CREB3L2: variants seen among roughly 807,000 people sequenced by gnomAD.
CREB3L2 encodes cAMP responsive element binding protein 3 like 2.
A neutral mutation model predicts 57.2 loss-of-function variants in CREB3L2; 23 were observed. The observed-to-expected ratio is 0.40, with a 90% CI of 0.29 to 0.57. The LOEUF (loss-of-function observed/expected upper bound fraction) is 0.57, where lower values mean the gene tolerates loss of function less well. Among genes scored for constraint, CREB3L2 ranks in the 20% least tolerant of loss-of-function variants. The probability of loss-of-function intolerance (pLI) is 0.42; values close to 1 mark genes in which losing one functional copy is unlikely to be tolerated. For missense variants in CREB3L2, 628 were observed against 634.7 expected, an observed-to-expected ratio of 0.99 and a Z score of 0.11; for synonymous variants, 268 against 265.1, an observed-to-expected ratio of 1.01 and a Z score of -0.11.
chr7:137,929,720 T>A (rs1800569541), intron 1 of CREB3L2, among the ~76,000 whole-genome samples: 2 of 144,370 alleles, frequency 1.4e-5, no homozygotes, highest in Admixed American at 6.9e-5. Context: ...AAAAAAAAAA[T>A]TAGCTGGGTG....
intron 1 of CREB3L2, among the ~76,000 whole-genome samples, chr7:137,990,017 C>T (rs1482805297): frequency 6.6e-6 from 1 of 152,170 alleles, no homozygotes; most frequent in Non-Finnish European, 1.5e-5. Flanking sequence ...TCAATTCTGC[C>T]GTCCAGTCCA....
At chr7:137,995,375 CCAAGGCTGGAGTGCAGTGG>C (rs1204668575) in intron 1 of CREB3L2, among the ~76,000 whole-genome samples, 1 of 114,726 alleles carries the variant, frequency 8.7e-6, no homozygotes, top group Non-Finnish European at 1.7e-5. Context: ...CACTCTGTCA[CCAAGGCTGGAGTGCAGTGG>C]CATGATCTTG....
intron 1 of CREB3L2, among the ~76,000 whole-genome samples, chr7:137,946,329 T>C (rs1042602430): frequency 1.3e-5 from 2 of 151,192 alleles, no homozygotes; most frequent in African/African-American, 4.9e-5. Flanking sequence ...GGGTCTGATC[T>C]AATAAGGTGA....
At position 137,922,453 on chromosome 7, in the gene CREB3L2, T is replaced by TATACACAC. The variant is rs1554498063; in HGVS notation, c.319+5696_319+5697insGTGTGTAT. 4.1e-5 allele frequency: 3 copies of TATACACAC among 72,580 alleles called. 1 individual carries two copies. The highest frequency in any genetic ancestry group is 1.9e-4 in the African/African-American group (3 of 15,824). 4.5% of individuals were successfully genotyped at this position (72,580 alleles called of 1,614,324 possible). On this transcript the variant is annotated intron_variant, in intron 2 of 11. Transcript: ENST00000330387. ...ATATATATACGTATATATATATATA[T>TATACACAC]ACACACATATATATATACACACATA...
chr7:137,951,451 C>T (rs899797236), intron 1 of CREB3L2, among the ~76,000 whole-genome samples: 1 of 152,146 alleles, frequency 6.6e-6, no homozygotes, highest in Non-Finnish European at 1.5e-5. Flanking sequence ...TAATCAGACA[C>T]CCGCAAGAAC....
At chr7:137,972,768 GAGAA>G (rs1185720916) in intron 1 of CREB3L2, among the ~76,000 whole-genome samples, 1 of 76,672 alleles carries the variant, frequency 1.3e-5, no homozygotes, top group African/African-American at 5.3e-5. Flanking sequence ...GAGAGAGAGA[GAGAA>G]AAGAAAAAGA....
At chr7:137,973,089 G>A (rs922125590) in intron 1 of CREB3L2, among the ~76,000 whole-genome samples, 1 of 151,392 alleles carries the variant, frequency 6.6e-6, no homozygotes, top group Non-Finnish European at 1.5e-5. Flanking sequence ...TATCTAGTGG[G>A]TGCAGCGCAC....
chr7:137,978,528 G>A (rs1801649990), intron 1 of CREB3L2, among the ~76,000 whole-genome samples: 1 of 152,172 alleles, frequency 6.6e-6, no homozygotes, highest in Non-Finnish European at 1.5e-5. Flanking sequence ...AAGATGGCAG[G>A]TGGTTCTGGA....
intron 1 of CREB3L2, among the ~76,000 whole-genome samples, chr7:137,993,095 G>C (rs563713564): frequency 6.6e-6 from 1 of 152,198 alleles, no homozygotes; most frequent in Non-Finnish European, 1.5e-5. Flanking sequence ...ATGCATGAGA[G>C]AGAATAATGA....
chr7:137,978,868 A>T (rs1330197244), intron 1 of CREB3L2, among the ~76,000 whole-genome samples: 1 of 152,114 alleles, frequency 6.6e-6, no homozygotes, highest in Non-Finnish European at 1.5e-5. Context: ...GAAAACCTCA[A>T]GGAGAAACAC....
intron 6 of CREB3L2, among the ~76,000 whole-genome samples, chr7:137,905,473 G>C (rs1286457842): frequency 2.6e-5 from 4 of 151,670 alleles, no homozygotes; most frequent in Non-Finnish European, 5.9e-5. Context: ...CACCAAAGAG[G>C]TAGATACTGA....
In CREB3L2 at chr7:137,904,650, A is replaced by G. The variant is rs149936227; in HGVS notation, c.916-633T>C. Among the ~76,000 whole-genome samples, 656 of 151,600 alleles carry G rather than the reference A, an allele frequency of 4.3e-3. 6 individuals carry two copies. Among genetic ancestry groups the G allele is most frequent in the African/African-American group, 0.015 (628 of 41,344 alleles). On this transcript the variant is annotated intron_variant, in intron 6 of 11. Transcript: ENST00000330387. ...CTGCACTCCAGCCTAGGTGACAGAG[A>G]GAGACTCCATCTCAAAACAAAAAAC...
chr7:137,911,698 C>T (rs923443985), intron 4 of CREB3L2, among the ~76,000 whole-genome samples: 2 of 152,042 alleles, frequency 1.3e-5, no homozygotes, highest in Non-Finnish European at 2.9e-5. Flanking sequence ...TTTAGCTGGG[C>T]GTGGTGGTGC....
intron 1 of CREB3L2, among the ~76,000 whole-genome samples, chr7:137,932,680 C>G (rs756587812): frequency 1.3e-5 from 2 of 152,192 alleles, no homozygotes; most frequent in Non-Finnish European, 1.5e-5. Flanking sequence ...AGTCCTCTCC[C>G]TACGCCACTT....
At chr7:137,956,114 C>T (rs776763426) in intron 1 of CREB3L2, among the ~76,000 whole-genome samples, 4 of 152,182 alleles carry the variant, frequency 2.6e-5, no homozygotes, top group Non-Finnish European at 5.9e-5. Flanking sequence ...AAGACAGAAC[C>T]ATCAGTTTGC....
At chr7:137,961,700 G>A (rs1233910691) in intron 1 of CREB3L2, among the ~76,000 whole-genome samples, 2 of 152,108 alleles carry the variant, frequency 1.3e-5, no homozygotes, top group African/African-American at 4.8e-5. Flanking sequence ...GGAAACAAAA[G>A]CTTTCCTTTT....
rs1180368014 is a variant in CREB3L2, at chr7:137,946,988, T to TTATATATATAGTTA, written c.103-18636_103-18623dup. Reference sequence around the variant, plus strand: ...TATATATATAGTTATATATATATAGTTATATATATAGTTATATATATATAG... The same window carrying TTATATATATAGTTA: ...TATATATATAGTTATATATATATAGTTATATATATAGTTATATATATATAGTTATATATATATAG... On this transcript the variant is annotated intron_variant, in intron 1 of 11. Coordinates refer to ENST00000330387, the MANE Select transcript of CREB3L2 (RefSeq NM_194071.4). 1.0e-4 allele frequency among the ~76,000 whole-genome samples: 12 copies of TTATATATATAGTTA among 119,754 alleles called. 1 individual carries two copies. The highest frequency in any genetic ancestry group is 3.1e-4 in the African/African-American group (9 of 28,698). The allele number at this position is 119,754 out of a possible 152,430, so 78.6% of individuals were successfully genotyped here.
intron 1 of CREB3L2, among the ~76,000 whole-genome samples, chr7:137,947,245 T>C (rs1308025897): frequency 6.6e-6 from 1 of 151,664 alleles, no homozygotes; most frequent in African/African-American, 2.4e-5. Context: ...TCACGAGACA[T>C]ACATTTCTGC....
At chr7:137,995,908 C>T (rs866894933) in intron 1 of CREB3L2, among the ~76,000 whole-genome samples, 9 of 152,180 alleles carry the variant, frequency 5.9e-5, no homozygotes, top group Admixed American at 1.3e-4. Flanking sequence ...TGTCTACCAC[C>T]TCCCAACCAA....
Sources: gnomAD v4.1 joint callset for allele counts (sites outside exome capture counted in the v4.1 genomes callset) on GRCh38, gnomAD v4.1.1 for gene constraint, MANE v1.5 for transcripts, NCBI Gene and HGNC (gene_info 2026-07-23, HGNC 2026-07-21) for gene names.